The following AKT3 variants were observed in gnomAD, a reference collection of about 807,000 sequenced individuals.
The protein encoded by AKT3 is AKT serine/threonine kinase 3.
In AKT3, 15 loss-of-function variants were observed where a neutral mutation model predicts 65.3. The ratio of observed to expected loss-of-function variants is 0.23; its 90% CI spans 0.15 to 0.35. The LOEUF (loss-of-function observed/expected upper bound fraction) is 0.35, where lower values mean the gene tolerates loss of function less well. Among genes scored for constraint, AKT3 ranks in the 10% least tolerant of loss-of-function variants. The pLI, the probability that AKT3 is intolerant of heterozygous loss-of-function variation, is 1.00. For missense variants in AKT3, 243 were observed against 576.5 expected, an observed-to-expected ratio of 0.42 and a Z score of 5.92; for synonymous variants, 206 against 183.8, an observed-to-expected ratio of 1.12 and a Z score of -0.98.
chr1:243,568,218 A>T (rs904776844), intron 9 of AKT3, among the ~76,000 whole-genome samples: 3 of 152,200 alleles, frequency 2.0e-5, no homozygotes, highest in African/African-American at 7.2e-5. Context: ...TAAATTTATG[A>T]AACTTTACAT....
chr1:243,499,669 T>C (rs1669020250), downstream of AKT3: 1 of 1,085,744 alleles, frequency 9.2e-7, no homozygotes, highest in South Asian at 1.3e-5. Context: ...GTTTTCATCA[T>C]AAAAGGTGAC....
At chr1:243,834,436 T>C (rs1433584267) in intron 2 of AKT3, among the ~76,000 whole-genome samples, 2 of 152,124 alleles carry the variant, frequency 1.3e-5, no homozygotes, top group Non-Finnish European at 2.9e-5. Flanking sequence ...TTCTCACGTG[T>C]AAATGGGAGG....
chr1:243,587,821 G>A (rs544283727), intron 8 of AKT3, among the ~76,000 whole-genome samples: 4 of 151,934 alleles, frequency 2.6e-5, no homozygotes, highest in Admixed American at 6.6e-5. Flanking sequence ...ATATTTTTTA[G>A]TTAACTACTA....
intron 2 of AKT3, among the ~76,000 whole-genome samples, chr1:243,708,204 T>G (rs1328604499): frequency 6.6e-6 from 1 of 152,072 alleles, no homozygotes. Flanking sequence ...CATGTTTAAA[T>G]GATATCGTCG....
chr1:243,736,620 G>T (rs1407044816), intron 2 of AKT3, among the ~76,000 whole-genome samples: 2 of 152,128 alleles, frequency 1.3e-5, no homozygotes, highest in Non-Finnish European at 2.9e-5. Flanking sequence ...AAACAAGAAT[G>T]AAGTGAATGG....
chr1:243,849,417 T>C (rs1251951086), intron 1 of AKT3, among the ~76,000 whole-genome samples: 1 of 100,106 alleles, frequency 1.0e-5, no homozygotes, highest in African/African-American at 4.2e-5. Flanking sequence ...GTGCCGTCTT[T>C]TCCTGCGCGC....
At chr1:243,583,170 G>GTGTA (rs1200712717) in intron 8 of AKT3, among the ~76,000 whole-genome samples, 6 of 118,594 alleles carry the variant, frequency 5.1e-5, no homozygotes, top group African/African-American at 2.0e-4. Flanking sequence ...ATATGTGTGT[G>GTGTA]TATATATATA....
chr1:243,837,925 T>C (rs1159815294), intron 2 of AKT3, among the ~76,000 whole-genome samples: 1 of 152,080 alleles, frequency 6.6e-6, no homozygotes, highest in Non-Finnish European at 1.5e-5. Context: ...GGCATAAAGA[T>C]TGGAAAGGAA....
chr1:243,549,027 C>T (rs546702736), intron 11 of AKT3, among the ~76,000 whole-genome samples: 2 of 152,122 alleles, frequency 1.3e-5, no homozygotes, highest in Non-Finnish European at 2.9e-5. Context: ...CTGAGGTTCC[C>T]TAAGATTCTG....
chr1:243,655,863 T>C (rs1343661852), intron 4 of AKT3, among the ~76,000 whole-genome samples: 1 of 152,110 alleles, frequency 6.6e-6, no homozygotes, highest in East Asian at 1.9e-4. Context: ...CTTCAAGAAC[T>C]AGCAGGTAAC....
chr1:243,510,816 T>A (rs530855313), intron 13 of AKT3, among the ~76,000 whole-genome samples: 1 of 152,348 alleles, frequency 6.6e-6, no homozygotes, highest in South Asian at 2.1e-4. Flanking sequence ...AGAGGAATGA[T>A]GTGGTCTGAT....
At chr1:243,665,581 C>T (rs943307577) in intron 3 of AKT3, among the ~76,000 whole-genome samples, 1 of 152,038 alleles carries the variant, frequency 6.6e-6, no homozygotes, top group African/African-American at 2.4e-5. Context: ...CACTGGTGTG[C>T]GTAGATTCAA....
intron 2 of AKT3, among the ~76,000 whole-genome samples, chr1:243,742,017 G>C (rs1688181379): frequency 7.0e-6 from 1 of 143,258 alleles, no homozygotes; most frequent in Non-Finnish European, 1.5e-5. Flanking sequence ...CTGAACCCAT[G>C]AGTTTCTCAT....
At chr1:243,592,728 G>T (rs1676322401) in intron 8 of AKT3, among the ~76,000 whole-genome samples, 2 of 152,026 alleles carry the variant, frequency 1.3e-5, no homozygotes, top group African/African-American at 4.8e-5. Flanking sequence ...GAAGGAAAAT[G>T]ACACCACATG....
At chr1:243,649,986 C>T (rs1681181578) in intron 4 of AKT3, among the ~76,000 whole-genome samples, 1 of 152,142 alleles carries the variant, frequency 6.6e-6, no homozygotes, top group Non-Finnish European at 1.5e-5. Flanking sequence ...GAGGAATGGC[C>T]ACACTGTCTT....
At chr1:243,507,455 T>C (rs1669742643) in intron 13 of AKT3, among the ~76,000 whole-genome samples, 1 of 152,146 alleles carries the variant, frequency 6.6e-6, no homozygotes, top group African/African-American at 2.4e-5. Context: ...CCCCTTTCTG[T>C]TGTCAGGCTT....
intron 12 of AKT3, 28 bp from the exon 13 acceptor site, chr1:243,512,454 T>C (rs753864254): frequency 8.1e-6 from 11 of 1,355,454 alleles, no homozygotes; most frequent in South Asian, 1.3e-5. Context: ...AAGAGTTTTA[T>C]TAACTGATTT....
At position 243,613,756 on chromosome 1, in the gene AKT3, G is replaced by GA. The variant is rs1553415442; in HGVS notation, c.628-18dup. Reference sequence around the variant, plus strand: ...TTTCAAGGACTTGAAATAAAAAAAAGAAAAAATGTTACATTATAATCCTGT... The same window carrying GA: ...TTTCAAGGACTTGAAATAAAAAAAAGAAAAAAATGTTACATTATAATCCTGT... On this transcript the variant is annotated splice_polypyrimidine_tract_variant and intron_variant, in intron 7 of 13. Coordinates refer to ENST00000673466, the MANE Select transcript of AKT3 (RefSeq NM_005465.7). 1 of 1,537,500 alleles carries GA rather than the reference G, an allele frequency of 6.5e-7. No individual in the cohort carries two copies. Among genetic ancestry groups the GA allele is most frequent in the Non-Finnish European group, 8.8e-7 (1 of 1,130,068 alleles).
chr1:243,812,351 A>T (rs1168097918), intron 2 of AKT3, among the ~76,000 whole-genome samples: 1 of 152,224 alleles, frequency 6.6e-6, no homozygotes, highest in Non-Finnish European at 1.5e-5. Context: ...CCCCATCAAC[A>T]AGTGGGTGAA....
Sources: allele counts gnomAD v4.1 joint callset (sites outside exome capture counted in the v4.1 genomes callset), GRCh38; gene constraint gnomAD v4.1.1; transcripts MANE v1.5; gene names NCBI Gene and HGNC (gene_info 2026-07-23, HGNC 2026-07-21).